ENTPD1: variants seen among roughly 807,000 people sequenced by gnomAD.
ENTPD1 encodes the protein ectonucleoside triphosphate diphosphohydrolase 1, also known as ATP diphosphohydrolase.
In ENTPD1, 33 loss-of-function variants were observed where a neutral mutation model predicts 57.0. That is an observed-to-expected ratio of 0.58 (90% CI 0.44 to 0.77). The LOEUF is 0.77. Among genes scored for constraint, ENTPD1 ranks in the 30% least tolerant of loss-of-function variants. ENTPD1 has a pLI of 0.00. For missense variants in ENTPD1, 501 were observed against 603.4 expected (o/e 0.83, Z 1.78); for synonymous variants, 202 against 218.8 (o/e 0.92, Z 0.68).
intron 2 of ENTPD1, among the ~76,000 whole-genome samples, chr10:95,828,127 G>A (rs2098384136): frequency 6.6e-6 from 1 of 152,204 alleles, no homozygotes; most frequent in African/African-American, 2.4e-5. Context: ...AGCGAGCAAA[G>A]CTTCATCTGT....
rs376647914 is a variant in ENTPD1, at chr10:95,810,275, G to A, written c.17-12962G>A. On this transcript the variant is annotated intron_variant, in intron 1 of 9. Coordinates refer to ENST00000371205, the MANE Select transcript of ENTPD1 (RefSeq NM_001776.6). Reference sequence around the variant, plus strand: ...GACGGGGTGGCGGCCAGGCAGAGACGCTCCTCACCTCCCAGATGGGGCGGT... The same window carrying A: ...GACGGGGTGGCGGCCAGGCAGAGACACTCCTCACCTCCCAGATGGGGCGGT... 1.9e-4 allele frequency among the ~76,000 whole-genome samples: 27 copies of A among 142,666 alleles called. No homozygotes were observed. In the East Asian group the frequency reaches 3.3e-3, roughly 17 times the overall value. 93.6% of individuals were successfully genotyped at this position (142,666 alleles called of 152,430 possible).
At chr10:95,708,270 G>C (rs1371010082), upstream of ENTPD1, among the ~76,000 whole-genome samples, 1 of 150,860 alleles carries the variant, frequency 6.6e-6, no homozygotes, top group African/African-American at 2.4e-5. Context: ...CTGGAGTGCA[G>C]TGCCGTGACC....
chr10:95,756,986 T>G (rs1005322643), intron 1 of ENTPD1, among the ~76,000 whole-genome samples: 2 of 152,192 alleles, frequency 1.3e-5, no homozygotes, highest in Non-Finnish European at 2.9e-5. Flanking sequence ...ATCTTTTACC[T>G]CTTTTGGGCA....
intron 1 of ENTPD1, among the ~76,000 whole-genome samples, chr10:95,720,426 T>C (rs975988023): frequency 6.6e-6 from 1 of 152,214 alleles, no homozygotes; most frequent in Non-Finnish European, 1.5e-5. Flanking sequence ...AAGAGTAATG[T>C]TCCCCAGTCA....
chr10:95,867,484 T>TTAA lies in ENTPD1; in HGVS notation c.*1103_*1105dup. 1 of 985,480 alleles carries TTAA rather than the reference T, an allele frequency of 1.0e-6. No individual in the cohort carries two copies. Among genetic ancestry groups the TTAA allele is most frequent in the Non-Finnish European group, 1.2e-6 (1 of 829,932 alleles). 61.0% of individuals were successfully genotyped at this position (985,480 alleles called of 1,614,324 possible). A position where few individuals can be genotyped will look rare whatever the true frequency, so the allele number is the denominator to read the frequency against. ...AAGCCACATCTTATTTTTCCAAGGT[T>TTAA]TAATTTAGTGAGAGGGCAGCATTAG... On this transcript the variant is annotated 3_prime_UTR_variant, in exon 10 of 10. Coordinates refer to ENST00000371205, the MANE Select transcript of ENTPD1 (RefSeq NM_001776.6).
chr10:95,713,229 T>C (rs1049771138), intron 1 of ENTPD1, among the ~76,000 whole-genome samples: 1 of 152,282 alleles, frequency 6.6e-6, no homozygotes, highest in Non-Finnish European at 1.5e-5. Flanking sequence ...GGCTTATTGT[T>C]GAGTCACTAC....
rs940306151 is a variant in ENTPD1, at chr10:95,874,423, G to C, written c.*8040G>C. Among the ~76,000 whole-genome samples, 1 of 152,184 alleles carries C rather than the reference G, an allele frequency of 6.6e-6. No individual in the cohort carries two copies. The highest frequency in any genetic ancestry group is 1.5e-5 in the Non-Finnish European group (1 of 68,026). On this transcript the variant is annotated 3_prime_UTR_variant, in exon 10 of 10. Coordinates refer to ENST00000371205, the MANE Select transcript of ENTPD1 (RefSeq NM_001776.6). ...CAGGTCATGCTGATGCAAGAGATAG[G>C]TTCCCATGGTCTTGTGCAGCTCCGC...
At chr10:95,851,893 T>C (rs1038627904) in intron 7 of ENTPD1, among the ~76,000 whole-genome samples, 1 of 152,074 alleles carries the variant, frequency 6.6e-6, no homozygotes, top group Non-Finnish European at 1.5e-5. Context: ...TAAACATACG[T>C]GTGCATGTGT....
chr10:95,768,678 G>T (rs562262417), intron 1 of ENTPD1, among the ~76,000 whole-genome samples: 2 of 151,980 alleles, frequency 1.3e-5, no homozygotes, highest in East Asian at 3.9e-4. Flanking sequence ...TGGCTTCCAT[G>T]AAATCTTTTA....
In ENTPD1 at chr10:95,866,588, T is replaced by C; in HGVS notation, c.*205T>C. 3.5e-6 allele frequency: 5 copies of C among 1,420,654 alleles called. No individual in the cohort carries two copies. Among genetic ancestry groups the C allele is most frequent in the Non-Finnish European group, 4.6e-6 (5 of 1,090,530 alleles). 88.0% of individuals were successfully genotyped at this position (1,420,654 alleles called of 1,614,324 possible). On this transcript the variant is annotated 3_prime_UTR_variant, in exon 10 of 10. Transcript: ENST00000371205. ...CAAGGACTTCGGCAGATACTGTCTC[T>C]TTCATGAGTTTTTCCCAGCTACACC...
chr10:95,806,235 T>C (rs2140383223), intron 1 of ENTPD1, among the ~76,000 whole-genome samples: 1 of 152,346 alleles, frequency 6.6e-6, no homozygotes. Flanking sequence ...CTTTATTTCA[T>C]TAATTTGATC....
At chr10:95,777,508 G>A (rs2098138491) in intron 1 of ENTPD1, among the ~76,000 whole-genome samples, 1 of 152,176 alleles carries the variant, frequency 6.6e-6, no homozygotes. Context: ...ATTGCTGCCT[G>A]ATCCTTCCTC....
At chr10:95,783,109 C>T (rs1343633886) in intron 1 of ENTPD1, among the ~76,000 whole-genome samples, 3 of 152,036 alleles carry the variant, frequency 2.0e-5, no homozygotes, top group African/African-American at 7.2e-5. Context: ...AGAGAGTGGA[C>T]AAAAATGAAT....
intron 1 of ENTPD1, among the ~76,000 whole-genome samples, chr10:95,719,215 C>T (rs563251995): frequency 9.3e-4 from 142 of 152,328 alleles, no homozygotes; most frequent in African/African-American, 3.2e-3. Context: ...GCTGGTCTCT[C>T]GGACCTGTGT....
rs566301987 is a variant in ENTPD1, at chr10:95,766,396, T to A, written c.16+10141T>A. Among the ~76,000 whole-genome samples, 11 of 152,268 alleles carry A rather than the reference T, an allele frequency of 7.2e-5. No individual in the cohort carries two copies. In the South Asian group the frequency reaches 1.9e-3, roughly 26 times the overall value. ...TGTTATCATAGATTTACTTTTAACC[T>A]CAATTACGCTCAATACTATATTCCT... On this transcript the variant is annotated intron_variant, in intron 1 of 9. Coordinates refer to ENST00000371205, the MANE Select transcript of ENTPD1 (RefSeq NM_001776.6).
chr10:95,790,765 G>A (rs186562734), intron 1 of ENTPD1, among the ~76,000 whole-genome samples: 1 of 152,188 alleles, frequency 6.6e-6, no homozygotes, highest in African/African-American at 2.4e-5. Context: ...AAGATGAGTT[G>A]GAGAAATAGA....
chr10:95,763,140 G>C (rs890646701), intron 1 of ENTPD1, among the ~76,000 whole-genome samples: 1 of 151,830 alleles, frequency 6.6e-6, no homozygotes, highest in East Asian at 1.9e-4. Flanking sequence ...GCCCAGGCTG[G>C]TCTCAAACTC....
chr10:95,812,405 C>A (rs1425718687), intron 1 of ENTPD1, among the ~76,000 whole-genome samples: 1 of 152,200 alleles, frequency 6.6e-6, no homozygotes, highest in African/African-American at 2.4e-5. Context: ...CATATTGTTA[C>A]ATTTATCAGT....
Position 95,847,492 on chromosome 10 carries a change from A to T in ENTPD1, c.860A>T (p.Tyr287Phe), listed in dbSNP as rs762259255. ...AGGGACCCATGCTTTCATCCTGGAT[A>T]TAAGAAGGTAGTGAACGTAAGTGAC... is the stretch of plus-strand genomic sequence containing the variant. ...ILRDPCFHPG[Y>F]KKVVNVSDLY... Residue 287 changes from tyrosine (Y) to phenylalanine (F), a missense_variant, in exon 7 of 10, where the codon TAT becomes TTT. Transcript: ENST00000371205. 6.8e-6 allele frequency: 11 copies of T among 1,614,178 alleles called. No individual in the cohort carries two copies. Among genetic ancestry groups the T allele is most frequent in the Middle Eastern group, 1.6e-4 (1 of 6,062 alleles).
Sources: gnomAD v4.1 joint callset for allele counts (sites outside exome capture counted in the v4.1 genomes callset) on GRCh38, gnomAD v4.1.1 for gene constraint, MANE v1.5 for transcripts, NCBI Gene and HGNC (gene_info 2026-07-23, HGNC 2026-07-21) for gene names.